Variants in RANBP2 observed in about 807,000 individuals in gnomAD.
RANBP2 encodes RAN binding protein 2.
Under a neutral mutation model 303.6 loss-of-function variants are expected in RANBP2, and 57 were observed. The observed-to-expected ratio is 0.19, with a 90% CI of 0.15 to 0.23. The LOEUF (loss-of-function observed/expected upper bound fraction) is 0.23, where lower values mean the gene tolerates loss of function less well. RANBP2 is among the 10% of genes least tolerant of loss of function. The pLI, the probability that RANBP2 is intolerant of heterozygous loss-of-function variation, is 1.00. For synonymous variants in RANBP2, 1,167 were observed against 1,301.5 expected (o/e 0.90, Z 2.23); for missense variants, 3,138 against 3,780.8 (o/e 0.83, Z 4.46).
rs201194120 is a variant in RANBP2 at position 108,722,815 on chromosome 2, C to T, written c.72+3137C>T. Among the ~76,000 whole-genome samples, 744 of 150,166 alleles carry T rather than the reference C, an allele frequency of 5.0e-3. 3 individuals carry two copies. The highest frequency in any genetic ancestry group is 0.02 in the East Asian group (103 of 5,178). On this transcript the variant is annotated intron_variant, in intron 1 of 28. Transcript: ENST00000283195. ...CTGAGACAGGAGAATTGCTTGAACC[C>T]TGGAGGCAGAGGTTGTGGTGAGCAG... is the stretch of plus-strand genomic sequence containing the variant.
At chr2:108,853,567 C>G in the RANBP2 span, among the ~76,000 whole-genome samples, 2 of 149,550 alleles carry the variant, frequency 1.3e-5, no homozygotes, top group Non-Finnish European at 3.0e-5. Flanking sequence ...CACGCTATCA[C>G]TCAGGCTGGA....
the RANBP2 span, among the ~76,000 whole-genome samples, chr2:109,654,114 C>A: frequency 1.2e-4 from 19 of 152,214 alleles, no homozygotes; most frequent in Non-Finnish European, 2.4e-4. Flanking sequence ...GTTATTTCCG[C>A]TGGTTAGGAA....
In RANBP2 at chr2:108,763,536, A is replaced by G. The variant is rs201152981; in HGVS notation, c.2997A>G (p.Ile999Met). ...HASRSAESKT[I>M]EFGKTNFVQP... ...CAAGATCTGCAGAATCTAAGACTAT[A>G]GAATTTGGGAAAACTAATTTTGTTC... The change falls in exon 20 of 29, where the codon ATA becomes ATG. Residue 999 changes from isoleucine (I) to methionine (M), a missense_variant. Coordinates refer to ENST00000283195, the MANE Select transcript of RANBP2 (RefSeq NM_006267.5). 2.0e-4 allele frequency: 323 copies of G among 1,614,166 alleles called. No homozygotes were observed. The highest frequency in any genetic ancestry group is 2.6e-4 in the Non-Finnish European group (305 of 1,180,004).
the RANBP2 span, among the ~76,000 whole-genome samples, chr2:109,049,367 G>A: frequency 1.3e-5 from 2 of 152,206 alleles, no homozygotes; most frequent in South Asian, 2.1e-4. Flanking sequence ...GCCCCTGGGA[G>A]GCGTGTTAGG....
At chr2:109,000,606 C>G in the RANBP2 span, among the ~76,000 whole-genome samples, 1 of 152,140 alleles carries the variant, frequency 6.6e-6, no homozygotes, top group Non-Finnish European at 1.5e-5. Flanking sequence ...TGCAACAGGT[C>G]AAGTTTCTTC....
chr2:109,681,941 T>C, the RANBP2 span, among the ~76,000 whole-genome samples: 1 of 152,356 alleles, frequency 6.6e-6, no homozygotes, highest in African/African-American at 2.4e-5. Flanking sequence ...GACTTGCCTG[T>C]GTGATGGCAT....
At chr2:109,068,360 C>CG in the RANBP2 span, among the ~76,000 whole-genome samples, 6 of 152,168 alleles carry the variant, frequency 3.9e-5, no homozygotes, top group Non-Finnish European at 5.9e-5. Flanking sequence ...CGAAGAACCC[C>CG]CACCCCAGAT....
the RANBP2 span, chr2:109,127,358 C>T: frequency 6.6e-6 from 1 of 152,154 alleles, no homozygotes; most frequent in Non-Finnish European, 1.5e-5. Flanking sequence ...TTATTGAACA[C>T]CTACTATATG....
the RANBP2 span, among the ~76,000 whole-genome samples, chr2:109,474,613 G>C: frequency 6.6e-5 from 10 of 152,362 alleles, no homozygotes; most frequent in East Asian, 5.8e-4. Flanking sequence ...TTTGGGCAGG[G>C]GGGGAGAACG....
At chr2:108,895,484 C>T in the RANBP2 span, 1 of 152,252 alleles carries the variant, frequency 6.6e-6, no homozygotes, top group Admixed American at 6.5e-5. Flanking sequence ...AGTTTATTAA[C>T]TTTCTGCCTA....
At chr2:109,243,550 A>G in the RANBP2 span, among the ~76,000 whole-genome samples, 2 of 152,330 alleles carry the variant, frequency 1.3e-5, no homozygotes, top group East Asian at 1.9e-4. Context: ...AATTAACACC[A>G]TGGGAACCTA....
At chr2:109,449,608 T>C in the RANBP2 span, 1 of 1,264,778 alleles carries the variant, frequency 7.9e-7, no homozygotes, top group Non-Finnish European at 1.1e-6. Context: ...TCCAAGTGCC[T>C]GCCCCTAGAT....
At chr2:109,374,636 C>T in the RANBP2 span, among the ~76,000 whole-genome samples, 1 of 152,192 alleles carries the variant, frequency 6.6e-6, no homozygotes, top group Non-Finnish European at 1.5e-5. Flanking sequence ...TGCTTGTCCC[C>T]TGGTGCAAGA....
the RANBP2 span, among the ~76,000 whole-genome samples, chr2:108,816,270 G>A: frequency 1.3e-5 from 2 of 152,058 alleles, no homozygotes; most frequent in Non-Finnish European, 2.9e-5. Context: ...GGGCAACGTG[G>A]TGCAACCCCG....
At chr2:109,172,849 G>GCACT in the RANBP2 span, among the ~76,000 whole-genome samples, 5 of 152,202 alleles carry the variant, frequency 3.3e-5, no homozygotes, top group Non-Finnish European at 7.3e-5. Context: ...TTGTAGAAGA[G>GCACT]CACTGCCTTA....
At position 108,777,115 on chromosome 2, in the gene RANBP2, T is replaced by G; in HGVS notation, c.8498-15T>G. ...ACAAATTAAATAGTAAATTGTTCTT[T>G]TTTTCTTTTGCCAGGGGAAAGCAAG... On this transcript the variant is annotated splice_polypyrimidine_tract_variant and intron_variant, in intron 24 of 28. Coordinates refer to ENST00000283195, the MANE Select transcript of RANBP2 (RefSeq NM_006267.5). 5 of 1,610,534 alleles carry G rather than the reference T, an allele frequency of 3.1e-6. No individual in the cohort carries two copies. Among genetic ancestry groups the G allele is most frequent in the Non-Finnish European group, 4.2e-6 (5 of 1,177,340 alleles).
Position 108,766,368 on chromosome 2 carries a change from C to T in RANBP2, c.5829C>T (p.Ser1943=). ...GTGTGATTTTTGGCCAAACAAGTAG[C>T]ACTTTTACATTTGCAGATCTTGCAA... is the stretch of plus-strand genomic sequence containing the variant. ...GRGVIFGQTS[S]TFTFADLAKS... is the part of the protein sequence containing the mutation. Residue 1943 remains serine, a synonymous_variant, in exon 20 of 29, where the codon AGC becomes AGT. Coordinates refer to ENST00000283195, the MANE Select transcript of RANBP2 (RefSeq NM_006267.5). 1 of 1,611,910 alleles carries T rather than the reference C, an allele frequency of 6.2e-7. No homozygotes were observed.
At chr2:109,347,771 G>A in the RANBP2 span, 43 of 1,613,964 alleles carry the variant, frequency 2.7e-5, no homozygotes, top group Admixed American at 2.2e-4. Flanking sequence ...ATCGTCCTGC[G>A]GCGCAAGGTG....
chr2:108,950,411 T>C, the RANBP2 span, among the ~76,000 whole-genome samples: 1 of 152,170 alleles, frequency 6.6e-6, no homozygotes. Context: ...CCACTGCCTC[T>C]GGCTAATTTA....
Sources: allele counts gnomAD v4.1 joint callset (sites outside exome capture counted in the v4.1 genomes callset), GRCh38; gene constraint gnomAD v4.1.1; transcripts MANE v1.5; gene names NCBI Gene and HGNC (gene_info 2026-07-23, HGNC 2026-07-21).